MORC1: variants seen among roughly 807,000 people sequenced by gnomAD.
MORC1 encodes the protein MORC family CW-type zinc finger 1.
A neutral mutation model predicts 134.9 loss-of-function variants in MORC1; 59 were observed. The ratio of observed to expected loss-of-function variants is 0.44; its 90% CI spans 0.35 to 0.54. The LOEUF (loss-of-function observed/expected upper bound fraction) is 0.54, where lower values mean the gene tolerates loss of function less well. MORC1 is among the 20% of genes least tolerant of loss of function. The pLI is 0.00. For synonymous variants in MORC1, 395 were observed against 391.7 expected (o/e 1.01, Z -0.10); for missense variants, 947 against 1,134.5 (o/e 0.83, Z 2.37).
At chr3:109,103,828 G>A in intron 4 of MORC1, 21 bp downstream of exon 4, 2 of 1,586,722 alleles carry the variant, frequency 1.3e-6, no homozygotes, top group East Asian at 2.2e-5. Flanking sequence ...AGCCAGTTAG[G>A]TATCTAGATA....
intron 26 of MORC1, 132 bp from the exon 27 acceptor site, chr3:108,963,740 G>A: frequency 3.3e-6 from 2 of 604,940 alleles, no homozygotes; most frequent in South Asian, 2.4e-5. Flanking sequence ...TCTAAATTTA[G>A]GAAATATTGA....
At chr3:109,029,637 A>G (rs577677625) in intron 16 of MORC1, among the ~76,000 whole-genome samples, 2 of 152,336 alleles carry the variant, frequency 1.3e-5, no homozygotes, top group South Asian at 4.1e-4. Context: ...TTTCTCAGAT[A>G]CTGTGTCAAA....
At chr3:109,086,270 T>C (rs1022803531) in intron 8 of MORC1, among the ~76,000 whole-genome samples, 4 of 151,960 alleles carry the variant, frequency 2.6e-5, no homozygotes, top group Non-Finnish European at 5.9e-5. Flanking sequence ...AAAAGAAATA[T>C]TTAAGGGGAT....
Position 109,054,181 on chromosome 3 carries a change from C to A in MORC1, c.1330+547G>T, listed in dbSNP as rs537543210. Reference sequence around the variant, plus strand: ...CCTGTAATCCCAGCCACTCGGGAGGCTGAGGCAGAGAATTGCTTGAACCAG... The same window carrying A: ...CCTGTAATCCCAGCCACTCGGGAGGATGAGGCAGAGAATTGCTTGAACCAG... On this transcript the variant is annotated intron_variant, in intron 14 of 27. Coordinates refer to ENST00000232603, the MANE Select transcript of MORC1 (RefSeq NM_014429.4). Among the ~76,000 whole-genome samples the A allele has an allele frequency of 3.3e-5, 5 of 151,642 alleles. No homozygotes were observed. In the South Asian group the frequency reaches 8.3e-4, roughly 25 times the overall value.
chr3:109,117,126 C>T (rs1404161446), intron 1 of MORC1, among the ~76,000 whole-genome samples: 2 of 152,158 alleles, frequency 1.3e-5, no homozygotes, highest in African/African-American at 4.8e-5. Context: ...TCCAGCTTGA[C>T]ATCATTCTCT....
chr3:109,046,484 A>G (rs1949699667), intron 14 of MORC1, among the ~76,000 whole-genome samples: 1 of 152,192 alleles, frequency 6.6e-6, no homozygotes, highest in Non-Finnish European at 1.5e-5. Context: ...TGTATTCCTA[A>G]GGAATTCTGT....
intron 17 of MORC1, among the ~76,000 whole-genome samples, chr3:109,024,560 C>A (rs1349691473): frequency 1.3e-5 from 2 of 152,150 alleles, no homozygotes; most frequent in African/African-American, 4.8e-5. Context: ...AAGATGCCTG[C>A]TACCATTAAA....
chr3:109,010,489 T>C (rs1948657603), intron 17 of MORC1, among the ~76,000 whole-genome samples: 1 of 152,212 alleles, frequency 6.6e-6, no homozygotes, highest in African/African-American at 2.4e-5. Flanking sequence ...TTCCTTCTGA[T>C]GTGCATTTTA....
intron 8 of MORC1, among the ~76,000 whole-genome samples, chr3:109,088,283 C>T (rs966559054): frequency 6.6e-6 from 1 of 152,064 alleles, no homozygotes; most frequent in African/African-American, 2.4e-5. Flanking sequence ...ACAAAGTAAA[C>T]AGACAACCTA....
At chr3:108,996,268 G>A (rs544069355) in intron 21 of MORC1, among the ~76,000 whole-genome samples, 322 of 92,360 alleles carry the variant, frequency 3.5e-3, no homozygotes, top group Middle Eastern at 0.014. Context: ...GCACATGTGC[G>A]CGTGCGTGCG....
chr3:109,115,465 A>T (rs1951250886), intron 1 of MORC1, among the ~76,000 whole-genome samples: 1 of 148,096 alleles, frequency 6.8e-6, no homozygotes, highest in East Asian at 2.0e-4. Context: ...AAAAAAAACT[A>T]CTAAAATGTT....
chr3:109,114,370 C>T lies in MORC1; in HGVS notation c.119+14G>A, dbSNP rs1416707861. The T allele has an allele frequency of 1.9e-6, 3 of 1,603,308 alleles. No individual in the cohort carries two copies. Among genetic ancestry groups the T allele is most frequent in the Non-Finnish European group, 2.6e-6 (3 of 1,172,154 alleles). On this transcript the variant is annotated intron_variant, in intron 2 of 27. Transcript: ENST00000232603. ...AAATTCCCTCAGTAACTGTTGTTTA[C>T]AGATAAACCTTACCTTGCATTGTCC...
chr3:109,020,228 C>T (rs1272519314), intron 17 of MORC1, among the ~76,000 whole-genome samples: 3 of 152,298 alleles, frequency 2.0e-5, no homozygotes, highest in South Asian at 2.1e-4. Flanking sequence ...TTTTCAAATG[C>T]CAGAAATTAT....
chr3:108,971,679 T>C (rs1448287312), intron 24 of MORC1, among the ~76,000 whole-genome samples: 1 of 152,152 alleles, frequency 6.6e-6, no homozygotes, highest in African/African-American at 2.4e-5. Context: ...GTCAATATCC[T>C]GATTGTGATT....
chr3:109,063,736 T>A (rs1470023635), intron 9 of MORC1, among the ~76,000 whole-genome samples: 1 of 152,186 alleles, frequency 6.6e-6, no homozygotes, highest in Admixed American at 6.5e-5. Context: ...CAAGGTCCAT[T>A]GTTTTAGTGA....
chr3:109,067,432 G>A (rs1950222625), intron 9 of MORC1, among the ~76,000 whole-genome samples: 1 of 152,080 alleles, frequency 6.6e-6, no homozygotes, highest in Non-Finnish European at 1.5e-5. Context: ...CACATCTTGG[G>A]TGGGAGTCCC....
intron 13 of MORC1, 116 bp from the exon 14 acceptor site, chr3:109,054,998 TGGACC>T (rs1370783558): frequency 1.1e-6 from 1 of 939,472 alleles, no homozygotes; most frequent in East Asian, 2.7e-5. Context: ...TCTGTTGATC[TGGACC>T]ATGTCAAAGT....
intron 17 of MORC1, among the ~76,000 whole-genome samples, chr3:109,009,011 A>G (rs1373750958): frequency 6.6e-6 from 1 of 152,012 alleles, no homozygotes; most frequent in Non-Finnish European, 1.5e-5. Flanking sequence ...GGGTATTTAC[A>G]TTCAGTTTGG....
At chr3:108,960,674 A>C (rs1947056309) in intron 27 of MORC1, among the ~76,000 whole-genome samples, 1 of 152,206 alleles carries the variant, frequency 6.6e-6, no homozygotes, top group Non-Finnish European at 1.5e-5. Flanking sequence ...TTCATCAGAC[A>C]GTCCTCTTCC....
Sources: gnomAD v4.1 joint callset for allele counts (sites outside exome capture counted in the v4.1 genomes callset) on GRCh38, gnomAD v4.1.1 for gene constraint, MANE v1.5 for transcripts, NCBI Gene and HGNC (gene_info 2026-07-23, HGNC 2026-07-21) for gene names.